The following CPA6 variants were observed in gnomAD, a reference collection of about 807,000 sequenced individuals.
CPA6 encodes the protein carboxypeptidase B.
A neutral mutation model predicts 63.3 loss-of-function variants in CPA6; 58 were observed. The ratio of observed to expected loss-of-function variants is 0.92; its 90% CI spans 0.74 to 1.14. CPA6 has a LOEUF of 1.14. Ranked by LOEUF, CPA6 falls within the 50% of genes most tolerant of loss-of-function variation. CPA6 has a pLI of 0.00. For missense variants in CPA6, 565 were observed against 526.6 expected (o/e 1.07, Z -0.71); for synonymous variants, 185 against 179.0 (o/e 1.03, Z -0.27).
intron 1 of CPA6, among the ~76,000 whole-genome samples, chr8:67,652,825 C>T (rs1270794351): frequency 2.6e-5 from 4 of 152,052 alleles, no homozygotes; most frequent in African/African-American, 9.6e-5. Flanking sequence ...ATGCCTATGT[C>T]CTGAATGGTA....
chr8:67,698,774 G>A (rs1160207997), intron 1 of CPA6, among the ~76,000 whole-genome samples: 1 of 152,122 alleles, frequency 6.6e-6, no homozygotes, highest in South Asian at 2.1e-4. Flanking sequence ...TTAGTGCCTG[G>A]GAAAGGCAAT....
At chr8:67,710,217 T>A (rs1197861999) in intron 1 of CPA6, among the ~76,000 whole-genome samples, 2 of 151,930 alleles carry the variant, frequency 1.3e-5, no homozygotes, top group Non-Finnish European at 2.9e-5. Flanking sequence ...ATAAAGGGGG[T>A]TGTGGAAACC....
chr8:67,641,105 G>A lies in CPA6; in HGVS notation c.117-16854C>T, dbSNP rs141324055. On this transcript the variant is annotated intron_variant, in intron 1 of 10. Coordinates refer to ENST00000297770, the MANE Select transcript of CPA6 (RefSeq NM_020361.5). ...CTGCTGCCACCACTCATGTCTTTCT[G>A]CTGCAGCCGGCATGATGGCAGCGGA... Among the ~76,000 whole-genome samples the A allele has an allele frequency of 4.1e-3, 621 of 151,886 alleles. 3 individuals are homozygous for A. The highest frequency in any genetic ancestry group is 0.01 in the Middle Eastern group (3 of 294).
chr8:67,672,100 G>A (rs1443576805), intron 1 of CPA6, among the ~76,000 whole-genome samples: 1 of 152,092 alleles, frequency 6.6e-6, no homozygotes, highest in Non-Finnish European at 1.5e-5. Flanking sequence ...AAAGTGCTGG[G>A]ATTACAGGTG....
chr8:67,637,165 C>T (rs992252218), intron 1 of CPA6, among the ~76,000 whole-genome samples: 2 of 151,664 alleles, frequency 1.3e-5, no homozygotes, highest in Non-Finnish European at 2.9e-5. Flanking sequence ...ACATAGTCTT[C>T]AGAAACCTGA....
At chr8:67,682,406 TCTA>T (rs1816617857) in intron 1 of CPA6, among the ~76,000 whole-genome samples, 3 of 152,250 alleles carry the variant, frequency 2.0e-5, no homozygotes, top group Admixed American at 2.0e-4. Context: ...TTTCTGTGTC[TCTA>T]CTTACATGTT....
rs139631077 is a variant in CPA6, at chr8:67,563,937, T to A, written c.193-45890A>T. Among the ~76,000 whole-genome samples the A allele has an allele frequency of 4.6e-3, 695 of 152,292 alleles. 4 individuals carry two copies. The highest frequency in any genetic ancestry group is 0.016 in the African/African-American group (649 of 41,558). ...TCTATTCCATATTTTGGGGTACGTGTAGCTCATTGATAAGTTGCCTCTTCA... is the reference window on the plus strand; with the variant it reads ...TCTATTCCATATTTTGGGGTACGTGAAGCTCATTGATAAGTTGCCTCTTCA... On this transcript the variant is annotated intron_variant, in intron 2 of 10. Coordinates refer to ENST00000297770, the MANE Select transcript of CPA6 (RefSeq NM_020361.5).
chr8:67,602,830 C>T (rs1814530612), intron 2 of CPA6, among the ~76,000 whole-genome samples: 1 of 152,172 alleles, frequency 6.6e-6, no homozygotes, highest in Non-Finnish European at 1.5e-5. Context: ...CAAAGTCCAT[C>T]ATAAATACCG....
chr8:67,602,217 A>C (rs956549626), intron 2 of CPA6, among the ~76,000 whole-genome samples: 1 of 152,212 alleles, frequency 6.6e-6, no homozygotes, highest in South Asian at 2.1e-4. Context: ...TGTATTATGT[A>C]TATACCTACA....
intron 1 of CPA6, among the ~76,000 whole-genome samples, chr8:67,639,132 T>C (rs1021112288): frequency 6.6e-6 from 1 of 151,622 alleles, no homozygotes; most frequent in Admixed American, 6.6e-5. Context: ...TGTCAGATAG[T>C]GCAGGGGTTG....
intron 2 of CPA6, among the ~76,000 whole-genome samples, chr8:67,563,337 C>G (rs1157614395): frequency 3.9e-5 from 6 of 152,168 alleles, no homozygotes; most frequent in Non-Finnish European, 8.8e-5. Context: ...GCTCTACCTT[C>G]CTGGGATTAT....
chr8:67,434,108 T>A lies in CPA6; in HGVS notation c.971A>T (p.His324Leu). ...ATACAGTAACATCTGAGCATATGCA[T>A]GAAAGGAGAGATAAGCCCTAATGTG... Reference protein sequence around the residue: ...RKHIRAYLSFHAYAQMLLYPY... With the variant: ...RKHIRAYLSFLAYAQMLLYPY... The change falls in exon 9 of 11, where the codon CAT becomes CTT. Residue 324 changes from histidine to leucine, a missense_variant. Transcript: ENST00000297770. The A allele has an allele frequency of 1.2e-6, 2 of 1,613,976 alleles. No individual in the cohort carries two copies. The highest frequency in any genetic ancestry group is 1.7e-6 in the Non-Finnish European group (2 of 1,179,938).
At chr8:67,670,485 C>T (rs1160575339) in intron 1 of CPA6, among the ~76,000 whole-genome samples, 1 of 152,110 alleles carries the variant, frequency 6.6e-6, no homozygotes, top group Non-Finnish European at 1.5e-5. Context: ...CAGATCCAAA[C>T]CATAGCAGCA....
intron 1 of CPA6, among the ~76,000 whole-genome samples, chr8:67,724,710 A>G (rs1167865657): frequency 6.6e-6 from 1 of 152,246 alleles, no homozygotes; most frequent in East Asian, 1.9e-4. Context: ...CATTGGGCCC[A>G]GTTTCCCTTA....
intron 1 of CPA6, among the ~76,000 whole-genome samples, chr8:67,663,295 C>T (rs1042294066): frequency 1.3e-5 from 2 of 152,126 alleles, no homozygotes; most frequent in Non-Finnish European, 2.9e-5. Flanking sequence ...TTCTTTTAGC[C>T]TGTTAGCCAG....
Position 67,728,765 on chromosome 8 carries a change from G to A in CPA6, c.116+17249C>T, listed in dbSNP as rs1032395494. ...TTAGATATGAGAAAATTGAGGCACA[G>A]GGATATTAAGTAATTCCTTCCAATT... On this transcript the variant is annotated intron_variant, in intron 1 of 10. Transcript: ENST00000297770. Among the ~76,000 whole-genome samples, 15 of 152,166 alleles carry A rather than the reference G, an allele frequency of 9.9e-5. 1 individual carries two copies. The highest frequency in any genetic ancestry group is 4.1e-4 in the South Asian group (2 of 4,830).
intron 8 of CPA6, among the ~76,000 whole-genome samples, chr8:67,467,570 T>C (rs376421910): frequency 6.6e-6 from 1 of 152,192 alleles, no homozygotes; most frequent in Admixed American, 6.5e-5. Flanking sequence ...TCTTAATAAG[T>C]GCTGCTTCCA....
intron 2 of CPA6, among the ~76,000 whole-genome samples, chr8:67,578,008 T>G (rs1163501314): frequency 3.3e-5 from 5 of 152,240 alleles, no homozygotes; most frequent in African/African-American, 1.2e-4. Flanking sequence ...CAAATATTTA[T>G]GGAGGCTAAA....
intron 2 of CPA6, among the ~76,000 whole-genome samples, chr8:67,602,736 C>A (rs565933171): frequency 6.6e-6 from 1 of 152,154 alleles, no homozygotes; most frequent in Non-Finnish European, 1.5e-5. Context: ...GTCAGGTTAG[C>A]GCCTCGACCG....
Sources: gnomAD v4.1 joint callset for allele counts (sites outside exome capture counted in the v4.1 genomes callset) on GRCh38, gnomAD v4.1.1 for gene constraint, MANE v1.5 for transcripts, NCBI Gene and HGNC (gene_info 2026-07-23, HGNC 2026-07-21) for gene names.